The following PKN2 variants were observed in gnomAD, a reference collection of about 807,000 sequenced individuals.
PKN2 encodes serine/threonine-protein kinase N2.
PKN2 carries 38 observed loss-of-function variants against 119.1 expected under a neutral mutation model. That is an observed-to-expected ratio of 0.32 (90% CI 0.25 to 0.42). PKN2 has a LOEUF of 0.42. Among genes scored for constraint, PKN2 ranks in the 10% least tolerant of loss-of-function variants. The pLI, the probability that PKN2 is intolerant of heterozygous loss-of-function variation, is 1.00. For synonymous variants in PKN2, 390 were observed against 384.9 expected (o/e 1.01, Z -0.15); for missense variants, 850 against 1,165.1 (o/e 0.73, Z 3.94).
At chr1:88,731,163 C>T (rs941364374) in intron 1 of PKN2, among the ~76,000 whole-genome samples, 1 of 151,870 alleles carries the variant, frequency 6.6e-6, no homozygotes, top group Non-Finnish European at 1.5e-5. Context: ...TTTTTTAAAC[C>T]TTGTATGATA....
chr1:88,684,304 G>A lies in PKN2; in HGVS notation c.-277G>A, dbSNP rs1665971234. The A allele has an allele frequency of 2.5e-6, 1 of 393,718 alleles. No individual in the cohort carries two copies. Among genetic ancestry groups the A allele is most frequent in the African/African-American group, 2.1e-5 (1 of 47,930 alleles). 24.4% of individuals were successfully genotyped at this position (393,718 alleles called of 1,614,324 possible). A position where few individuals can be genotyped will look rare whatever the true frequency, so the allele number is the denominator to read the frequency against. ...GCAGCGCCCGCACGGAGAGGCTTGA[G>A]GCGGCTCCTGGCGTCGCCCAGAGGG... On this transcript the variant is annotated 5_prime_UTR_variant, in exon 1 of 22. Transcript: ENST00000370521.
intron 2 of PKN2, among the ~76,000 whole-genome samples, chr1:88,759,432 G>T (rs1399691910): frequency 3.9e-5 from 6 of 152,182 alleles, no homozygotes; most frequent in African/African-American, 1.4e-4. Flanking sequence ...TTTCTCTAAT[G>T]ACCAGTGATG....
At chr1:88,814,000 C>A (rs999478211) in intron 16 of PKN2, among the ~76,000 whole-genome samples, 1 of 151,768 alleles carries the variant, frequency 6.6e-6, no homozygotes, top group Non-Finnish European at 1.5e-5. Context: ...TCTTTTTTTG[C>A]TATTAGATTT....
intron 2 of PKN2, among the ~76,000 whole-genome samples, chr1:88,752,187 A>G (rs1669029419): frequency 6.6e-6 from 1 of 152,110 alleles, no homozygotes; most frequent in African/African-American, 2.4e-5. Flanking sequence ...CTTCAAATCT[A>G]TCTCCATTTC....
At chr1:88,816,111 C>A (rs1570674129) in intron 16 of PKN2, among the ~76,000 whole-genome samples, 1 of 150,050 alleles carries the variant, frequency 6.7e-6, no homozygotes, top group African/African-American at 2.4e-5. Context: ...CTGCACTCCA[C>A]CCTGGGCGAC....
At chr1:88,749,396 T>A (rs1487213635) in intron 2 of PKN2, among the ~76,000 whole-genome samples, 2 of 122,042 alleles carry the variant, frequency 1.6e-5, no homozygotes, top group Non-Finnish European at 3.3e-5. Context: ...AGTGCGAGAC[T>A]CCGTCTCAAA....
intron 8 of PKN2, among the ~76,000 whole-genome samples, chr1:88,789,467 A>G (rs562343713): frequency 2.0e-5 from 3 of 152,196 alleles, no homozygotes; most frequent in African/African-American, 7.2e-5. Flanking sequence ...GTTCAAGACC[A>G]TCCTGACCAA....
intron 1 of PKN2, among the ~76,000 whole-genome samples, chr1:88,700,793 A>G (rs1666741156): frequency 6.6e-6 from 1 of 152,198 alleles, no homozygotes; most frequent in African/African-American, 2.4e-5. Flanking sequence ...AAACCTTCAG[A>G]GGGCAAAGGA....
At chr1:88,694,534 G>A (rs1373065440) in intron 1 of PKN2, among the ~76,000 whole-genome samples, 1 of 152,118 alleles carries the variant, frequency 6.6e-6, no homozygotes, top group Non-Finnish European at 1.5e-5. Context: ...AGGACATCTT[G>A]GTTGCTTCTG....
intron 12 of PKN2, chr1:88,806,416 C>T (rs376195470): frequency 3.7e-5 from 7 of 187,478 alleles, no homozygotes; most frequent in South Asian, 1.0e-4. Context: ...GTGATCAGCC[C>T]GCCTCGGCCT....
chr1:88,813,456 T>C, intron 15 of PKN2, 101 bp from the exon 16 acceptor site: 1 of 776,614 alleles, frequency 1.3e-6, no homozygotes, highest in Non-Finnish European at 2.0e-6. Context: ...TAAGTTATAG[T>C]TAAAATTTTG....
chr1:88,722,385 G>A (rs1330351971), intron 1 of PKN2, among the ~76,000 whole-genome samples: 7 of 152,028 alleles, frequency 4.6e-5, no homozygotes, highest in African/African-American at 1.7e-4. Context: ...ACCTGTTTAT[G>A]TTTCCCAATA....
chr1:88,832,604 T>G, intron 19 of PKN2, 140 bp from the exon 20 acceptor site: 1 of 567,360 alleles, frequency 1.8e-6, no homozygotes, highest in Non-Finnish European at 3.1e-6. Context: ...TAGGCATGGG[T>G]TTATTGTTGT....
chr1:88,824,302 C>T lies in PKN2; in HGVS notation c.2343-8C>T, dbSNP rs1249755977. On this transcript the variant is annotated splice_polypyrimidine_tract_variant and splice_region_variant and intron_variant, in intron 17 of 21. Coordinates refer to ENST00000370521, the MANE Select transcript of PKN2 (RefSeq NM_006256.4). ...TTTTTTCATGCTGTATCTTTTTATC[C>T]TGAACAGAGATTTGAAATTGGATAA... 2.0e-6 allele frequency: 3 copies of T among 1,484,456 alleles called. No individual in the cohort carries two copies. Among genetic ancestry groups the T allele is most frequent in the Non-Finnish European group, 1.9e-6 (2 of 1,073,000 alleles). The allele number at this position is 1,484,456 out of a possible 1,614,324, so 92.0% of individuals were successfully genotyped here. A position where few individuals can be genotyped will look rare whatever the true frequency, so the allele number is the denominator to read the frequency against.
At position 88,741,090 on chromosome 1, in the gene PKN2, C is replaced by T. The variant is rs1668560949; in HGVS notation, c.151C>T (p.Arg51Ter). The T allele has an allele frequency of 6.2e-7, 1 of 1,609,842 alleles. No individual in the cohort carries two copies. ...GCAGAAATTGGATGATATCAAGGAT[C>T]GAATTAAGAGAGAAATAAGGAAAGA... ...VQQKLDDIKD[R>*]IKREIRKELK... The change falls in exon 2 of 22, where the codon CGA becomes TGA. Residue 51 changes from arginine to a stop codon, truncating the protein, a stop_gained. Transcript: ENST00000370521. LOFTEE classifies it high-confidence loss of function.
intron 1 of PKN2, among the ~76,000 whole-genome samples, chr1:88,723,992 TGAGATTTTAGAGATAAGGAGATA>T: frequency 6.6e-6 from 1 of 152,152 alleles, no homozygotes; most frequent in Non-Finnish European, 1.5e-5. Flanking sequence ...AAGTTAGAGA[TGAGATTTTAGAGATAAGGAGATA>T]GAGATTTAGA....
At chr1:88,755,143 T>A (rs934415461) in intron 2 of PKN2, among the ~76,000 whole-genome samples, 4 of 152,148 alleles carry the variant, frequency 2.6e-5, no homozygotes, top group African/African-American at 4.8e-5. Flanking sequence ...TTTTAAAAAA[T>A]TTTTTGAATG....
chr1:88,803,687 T>C (rs1424525619), intron 8 of PKN2, among the ~76,000 whole-genome samples: 1 of 152,212 alleles, frequency 6.6e-6, no homozygotes, highest in Admixed American at 6.5e-5. Flanking sequence ...CATACGGCTT[T>C]GGTATAATTA....
chr1:88,684,822 C>T (rs1666010603), intron 1 of PKN2, 194 bp downstream of exon 1: 2 of 520,484 alleles, frequency 3.8e-6, no homozygotes, highest in African/African-American at 2.0e-5. Context: ...TCTCCCCCGC[C>T]AAAGCCCTGG....
Sources: allele counts gnomAD v4.1 joint callset (sites outside exome capture counted in the v4.1 genomes callset), GRCh38; gene constraint gnomAD v4.1.1; transcripts MANE v1.5; gene names NCBI Gene and HGNC (gene_info 2026-07-23, HGNC 2026-07-21).